INSL6: variants seen among roughly 807,000 people sequenced by gnomAD.
INSL6 encodes insulin like 6.
Under a neutral mutation model 9.4 loss-of-function variants are expected in INSL6, and 16 were observed. The ratio of observed to expected loss-of-function variants is 1.70; its 90% CI spans 1.15 to 2.59. The LOEUF (loss-of-function observed/expected upper bound fraction) is 2.59, where lower values mean the gene tolerates loss of function less well. Ranked by LOEUF, INSL6 falls within the 30% of genes most tolerant of loss-of-function variation. The probability of loss-of-function intolerance (pLI) is 0.00; values close to 1 mark genes in which losing one functional copy is unlikely to be tolerated. For missense variants in INSL6, 391 were observed against 257.3 expected (o/e 1.52, Z -3.56); for synonymous variants, 154 against 96.9 (o/e 1.59, Z -3.46).
At chr9:5,069,996 C>T in the INSL6 span, 1 of 1,607,754 alleles carries the variant, frequency 6.2e-7, no homozygotes, top group Non-Finnish European at 8.5e-7. Context: ...ATTACAGAGG[C>T]CTACTCATAT....
At chr9:5,015,020 A>G in the INSL6 span, among the ~76,000 whole-genome samples, 1 of 152,140 alleles carries the variant, frequency 6.6e-6, no homozygotes, top group Non-Finnish European at 1.5e-5. Flanking sequence ...AATTTAGAAA[A>G]ACGGTATTTT....
At chr9:5,069,964 C>A in the INSL6 span, 1 of 1,606,002 alleles carries the variant, frequency 6.2e-7, no homozygotes, top group Non-Finnish European at 8.5e-7. Flanking sequence ...AATGGTGTTT[C>A]TGATGTACCA....
downstream of INSL6, among the ~76,000 whole-genome samples, chr9:5,162,814 A>G (rs1824955181): frequency 6.6e-6 from 1 of 152,238 alleles, no homozygotes; most frequent in Non-Finnish European, 1.5e-5. Flanking sequence ...AAAACATTTA[A>G]GAACATTATA....
the INSL6 span, among the ~76,000 whole-genome samples, chr9:5,004,021 T>A: frequency 8.6e-4 from 131 of 152,294 alleles, no homozygotes; most frequent in Non-Finnish European, 1.8e-3. Flanking sequence ...TTTTCTAAAT[T>A]ACATAAAAAT....
the INSL6 span, among the ~76,000 whole-genome samples, chr9:5,052,764 C>T: frequency 6.6e-6 from 1 of 151,896 alleles, no homozygotes; most frequent in Non-Finnish European, 1.5e-5. Flanking sequence ...TTTTTTTTGT[C>T]TGGCTTCTTT....
At chr9:5,144,627 T>G (rs113195179) in intron 2 of INSL6, among the ~76,000 whole-genome samples, 15,059 of 152,202 alleles carry the variant, frequency 0.099, 2,256 homozygotes, top group African/African-American at 0.33. Flanking sequence ...TCTTTGAAAG[T>G]CTCCAAGAAT....
chr9:5,169,194 G>A (rs1262757967), intron 1 of INSL6, among the ~76,000 whole-genome samples: 2 of 152,122 alleles, frequency 1.3e-5, no homozygotes, highest in Non-Finnish European at 2.9e-5. Flanking sequence ...CCAAAGTGCT[G>A]GGATTACAGG....
chr9:5,052,992 A>C, the INSL6 span, among the ~76,000 whole-genome samples: 1 of 151,438 alleles, frequency 6.6e-6, no homozygotes, highest in Non-Finnish European at 1.5e-5. Flanking sequence ...TATTTTTTTC[A>C]TTTTTTCTTG....
At chr9:5,071,159 C>A in the INSL6 span, among the ~76,000 whole-genome samples, 20 of 152,126 alleles carry the variant, frequency 1.3e-4, no homozygotes, top group Admixed American at 1.3e-4. Flanking sequence ...GTGGTACTCT[C>A]CTAATATTGT....
chr9:5,115,070 G>A, the INSL6 span, among the ~76,000 whole-genome samples: 1 of 152,118 alleles, frequency 6.6e-6, no homozygotes, highest in South Asian at 2.1e-4. Context: ...TAGACAGATG[G>A]GATCTAATTA....
chr9:4,999,773 G>A, the INSL6 span, among the ~76,000 whole-genome samples: 3,136 of 152,258 alleles, frequency 0.021, 46 homozygotes, highest in Non-Finnish European at 0.031. Context: ...TATCTTTATA[G>A]TATTCTGTTG....
chr9:5,174,293 C>G (rs1220140527), intron 1 of INSL6, among the ~76,000 whole-genome samples: 1 of 152,158 alleles, frequency 6.6e-6, no homozygotes, highest in Non-Finnish European at 1.5e-5. Context: ...ATAGAGTTTT[C>G]TATATTTACT....
downstream of INSL6, chr9:5,123,025 A>C (rs1239163463): frequency 2.5e-6 from 4 of 1,610,902 alleles, no homozygotes; most frequent in Admixed American, 6.7e-5. Flanking sequence ...AATCACTGAC[A>C]GAGAGCAAGT....
At chr9:5,064,470 C>T in the INSL6 span, among the ~76,000 whole-genome samples, 1 of 149,130 alleles carries the variant, frequency 6.7e-6, no homozygotes, top group Non-Finnish European at 1.5e-5. Context: ...GTGGAGGTTG[C>T]AGTGAGCCAA....
chr9:5,135,703 AT>A (rs1467735477), intron 2 of INSL6, among the ~76,000 whole-genome samples: 1 of 152,220 alleles, frequency 6.6e-6, no homozygotes, highest in East Asian at 1.9e-4. Context: ...TAACATCACA[AT>A]TAAAAGAACT....
At chr9:5,128,883 GGGTAAA>G (rs1175806472) in intron 3 of INSL6, among the ~76,000 whole-genome samples, 1 of 151,932 alleles carries the variant, frequency 6.6e-6, no homozygotes. Context: ...TCAGAAACAA[GGGTAAA>G]GGTATTCTTA....
chr9:5,047,465 G>T, the INSL6 span, among the ~76,000 whole-genome samples: 108 of 152,246 alleles, frequency 7.1e-4, no homozygotes, highest in Non-Finnish European at 1.3e-3. Context: ...CAAATAAACT[G>T]CTGACATGTG....
At chr9:5,168,867 A>G (rs776684646) in intron 1 of INSL6, among the ~76,000 whole-genome samples, 1 of 152,112 alleles carries the variant, frequency 6.6e-6, no homozygotes, top group Non-Finnish European at 1.5e-5. Context: ...TCACACTAAC[A>G]GCAGGCCTCT....
At chr9:5,041,141 C>T in the INSL6 span, 5 of 1,053,118 alleles carry the variant, frequency 4.7e-6, no homozygotes, top group South Asian at 2.7e-5. Context: ...GATCGCCATC[C>T]GGCTGATCAC....
Sources: gnomAD v4.1 joint callset for allele counts (sites outside exome capture counted in the v4.1 genomes callset) on GRCh38, gnomAD v4.1.1 for gene constraint, MANE v1.5 for transcripts, NCBI Gene and HGNC (gene_info 2026-07-23, HGNC 2026-07-21) for gene names.